The following GRM8 variants were observed in gnomAD, a reference collection of about 807,000 sequenced individuals.
The protein encoded by GRM8 is metabotropic glutamate receptor 8.
In GRM8, 47 loss-of-function variants were observed where a neutral mutation model predicts 87.2. The ratio of observed to expected loss-of-function variants is 0.54; its 90% CI spans 0.43 to 0.69. GRM8 has a LOEUF of 0.69. Ranked by LOEUF, GRM8 falls within the 30% of genes least tolerant of loss-of-function variation. The pLI, the probability that GRM8 is intolerant of heterozygous loss-of-function variation, is 0.00. For missense variants in GRM8, 1,019 were observed against 1,139.2 expected, an observed-to-expected ratio of 0.89 and a Z score of 1.52; for synonymous variants, 396 against 404.5, an observed-to-expected ratio of 0.98 and a Z score of 0.25.
chr7:127,238,792 C>A (rs1429033008), intron 2 of GRM8, among the ~76,000 whole-genome samples: 2 of 152,212 alleles, frequency 1.3e-5, no homozygotes, highest in Non-Finnish European at 2.9e-5. Context: ...CCACTTCCCT[C>A]TAGGTCAGAT....
In GRM8 at chr7:126,896,112, G is replaced by A. The variant is rs1300232470; in HGVS notation, c.1156+6430C>T. On this transcript the variant is annotated intron_variant, in intron 6 of 10. Coordinates refer to ENST00000339582, the MANE Select transcript of GRM8 (RefSeq NM_000845.3). Reference sequence around the variant, plus strand: ...TGTCAATAATTCACTTTACTTCTCTGGGTTCTAGTTTCTTCACTAGAAAAC... The same window carrying A: ...TGTCAATAATTCACTTTACTTCTCTAGGTTCTAGTTTCTTCACTAGAAAAC... Among the ~76,000 whole-genome samples the A allele has an allele frequency of 3.3e-5, 5 of 150,454 alleles. No individual in the cohort carries two copies. In the Admixed American group the frequency reaches 3.3e-4, roughly 10 times the overall value.
chr7:127,051,825 G>T (rs1026221507), intron 3 of GRM8, among the ~76,000 whole-genome samples: 14 of 147,854 alleles, frequency 9.5e-5, no homozygotes, highest in Non-Finnish European at 3.0e-5. Flanking sequence ...ATAACATGCT[G>T]AACAATACTG....
At chr7:127,134,808 C>G (rs1827863128) in intron 2 of GRM8, among the ~76,000 whole-genome samples, 1 of 152,066 alleles carries the variant, frequency 6.6e-6, no homozygotes, top group African/African-American at 2.4e-5. Context: ...AACATTTTAG[C>G]TAAGTGAAAA....
intron 9 of GRM8, among the ~76,000 whole-genome samples, chr7:126,528,218 GACAACA>G: frequency 6.6e-6 from 1 of 151,874 alleles, no homozygotes; most frequent in Admixed American, 6.6e-5. Flanking sequence ...AAAAAACAAC[GACAACA>G]ACAACAACAA....
chr7:126,731,279 T>C (rs1053420920), intron 7 of GRM8, among the ~76,000 whole-genome samples: 2 of 152,132 alleles, frequency 1.3e-5, no homozygotes, highest in Non-Finnish European at 2.9e-5. Context: ...AACCACTCAA[T>C]ATCCTGAGCA....
chr7:126,956,455 T>C (rs1808690463), intron 3 of GRM8, among the ~76,000 whole-genome samples: 1 of 152,242 alleles, frequency 6.6e-6, no homozygotes, highest in Admixed American at 6.5e-5. Context: ...ATTCAATAAA[T>C]GCTAAGTTTC....
Position 127,199,317 on chromosome 7 carries a change from T to C in GRM8, c.510+43378A>G, listed in dbSNP as rs567393938. 2.0e-4 allele frequency among the ~76,000 whole-genome samples: 31 copies of C among 152,392 alleles called. No homozygotes were observed. In the South Asian group the frequency reaches 6.4e-3, roughly 32 times the overall value. On this transcript the variant is annotated intron_variant, in intron 2 of 10. Transcript: ENST00000339582. The stretch of plus-strand genomic sequence containing the variant: ...GATTGCTAATGCACAGCCAATTGAA[T>C]GCTTATTAAGTAGAAATTAAACTTG...
chr7:126,893,443 C>A (rs189763797), intron 6 of GRM8, among the ~76,000 whole-genome samples: 33 of 152,024 alleles, frequency 2.2e-4, no homozygotes, highest in African/African-American at 7.2e-4. Context: ...CTATGTTGAG[C>A]TTTTCCTTTT....
At chr7:126,903,863 T>C (rs1158211332) in intron 5 of GRM8, 109 bp downstream of exon 5, 3 of 548,766 alleles carry the variant, frequency 5.5e-6, no homozygotes, top group Non-Finnish European at 9.3e-6. Flanking sequence ...CTAAAATTTG[T>C]ATCAAGTCAT....
At chr7:126,711,101 G>A (rs1811052078) in intron 7 of GRM8, among the ~76,000 whole-genome samples, 2 of 152,352 alleles carry the variant, frequency 1.3e-5, no homozygotes, top group East Asian at 1.9e-4. Flanking sequence ...CTTGAACCCA[G>A]GAGGTGGAGG....
intron 2 of GRM8, among the ~76,000 whole-genome samples, chr7:127,191,766 C>T (rs1406502657): frequency 2.6e-5 from 4 of 152,124 alleles, no homozygotes; most frequent in Non-Finnish European, 5.9e-5. Context: ...TCATAACTGA[C>T]TTTCTGCTTA....
At chr7:127,041,627 G>A (rs551883247) in intron 3 of GRM8, among the ~76,000 whole-genome samples, 1 of 152,318 alleles carries the variant, frequency 6.6e-6, no homozygotes, top group East Asian at 1.9e-4. Flanking sequence ...GTTCTCTACA[G>A]GAATATGGAG....
chr7:126,814,739 C>T (rs745779049), intron 6 of GRM8, among the ~76,000 whole-genome samples: 1 of 151,424 alleles, frequency 6.6e-6, no homozygotes, highest in East Asian at 1.9e-4. Context: ...TCAGAACATA[C>T]TCATTCTAAT....
At chr7:126,669,345 A>T (rs60259917) in intron 7 of GRM8, among the ~76,000 whole-genome samples, 2,436 of 152,084 alleles carry the variant, frequency 0.016, 51 homozygotes, top group African/African-American at 0.054. Flanking sequence ...AAAAATTTTT[A>T]AAAAAAAGTC....
intron 3 of GRM8, among the ~76,000 whole-genome samples, chr7:127,031,623 T>C (rs571962912): frequency 5.9e-5 from 9 of 152,276 alleles, no homozygotes; most frequent in Non-Finnish European, 1.2e-4. Flanking sequence ...ATTAATAAGA[T>C]CACCTTATTC....
chr7:127,145,655 A>G (rs1828515924), intron 2 of GRM8, among the ~76,000 whole-genome samples: 1 of 152,150 alleles, frequency 6.6e-6, no homozygotes, highest in African/African-American at 2.4e-5. Flanking sequence ...TATTTTTGAA[A>G]ATAAATATGG....
intron 2 of GRM8, among the ~76,000 whole-genome samples, chr7:127,107,567 A>C (rs1825925237): frequency 6.6e-6 from 1 of 152,194 alleles, no homozygotes; most frequent in African/African-American, 2.4e-5. Context: ...GCCCTAATTC[A>C]GGTAACTTGA....
chr7:126,900,611 G>T (rs1255562358), intron 6 of GRM8, among the ~76,000 whole-genome samples: 1 of 152,054 alleles, frequency 6.6e-6, no homozygotes, highest in Non-Finnish European at 1.5e-5. Context: ...CCGGGTTCAA[G>T]CAATTCTCCT....
At chr7:126,870,500 A>G (rs1161102597) in intron 6 of GRM8, 3 of 152,180 alleles carry the variant, frequency 2.0e-5, no homozygotes, top group Non-Finnish European at 2.9e-5. Context: ...GAGATATATG[A>G]TTCTTCCTTT....
Sources: allele counts gnomAD v4.1 joint callset (sites outside exome capture counted in the v4.1 genomes callset), GRCh38; gene constraint gnomAD v4.1.1; transcripts MANE v1.5; gene names NCBI Gene and HGNC (gene_info 2026-07-23, HGNC 2026-07-21).